Variants in MBOAT1 observed in about 807,000 individuals in gnomAD.
MBOAT1 encodes membrane bound glycerophospholipid O-acyltransferase 1.
A neutral mutation model predicts 64.4 loss-of-function variants in MBOAT1; 67 were observed. The observed-to-expected ratio is 1.04, with a 90% CI of 0.85 to 1.27. The LOEUF (loss-of-function observed/expected upper bound fraction) is 1.27. MBOAT1 is among the 50% of genes most tolerant of loss of function. MBOAT1 has a pLI of 0.00. For missense variants in MBOAT1, 563 were observed against 604.6 expected (o/e 0.93, Z 0.72); for synonymous variants, 229 against 218.9 (o/e 1.05, Z -0.41).
chr6:20,141,962 T>G (rs946856547), intron 4 of MBOAT1, among the ~76,000 whole-genome samples: 25 of 152,184 alleles, frequency 1.6e-4, no homozygotes, highest in African/African-American at 5.8e-4. Flanking sequence ...CCCTCCCTTC[T>G]GCCTGGAATA....
chr6:20,121,208 T>A (rs2113644615), intron 8 of MBOAT1, among the ~76,000 whole-genome samples: 1 of 152,362 alleles, frequency 6.6e-6, no homozygotes, highest in Middle Eastern at 3.4e-3. Context: ...AAATTTATAA[T>A]CATGTGTAAT....
chr6:20,205,950 C>T (rs996514778), intron 1 of MBOAT1, among the ~76,000 whole-genome samples: 1 of 152,134 alleles, frequency 6.6e-6, no homozygotes, highest in African/African-American at 2.4e-5. Flanking sequence ...AACCCTCACT[C>T]GCGGCTCGCA....
intron 1 of MBOAT1, among the ~76,000 whole-genome samples, chr6:20,186,894 C>A (rs1470412159): frequency 6.6e-6 from 1 of 152,182 alleles, no homozygotes; most frequent in Non-Finnish European, 1.5e-5. Context: ...AAGCTGTGGG[C>A]ATCTGAGCCT....
chr6:20,128,668 G>A (rs753175127), intron 6 of MBOAT1, 31 bp downstream of exon 6: 2 of 1,560,864 alleles, frequency 1.3e-6, no homozygotes, highest in East Asian at 4.5e-5. Flanking sequence ...TATGCAAAGG[G>A]CTTGTTAATA....
chr6:20,145,057 T>C (rs1202197), intron 3 of MBOAT1, among the ~76,000 whole-genome samples: 86,045 of 152,088 alleles, frequency 0.57, 25,103 homozygotes, highest in South Asian at 0.65. Context: ...AAATGTGTAA[T>C]TATAAATATA....
chr6:20,113,295 C>T (rs1427791630), intron 10 of MBOAT1, among the ~76,000 whole-genome samples: 1 of 152,200 alleles, frequency 6.6e-6, no homozygotes, highest in Admixed American at 6.5e-5. Flanking sequence ...GTATCTGTTA[C>T]AGGTCTGAGT....
chr6:20,164,206 A>AC (rs1561771021), intron 1 of MBOAT1, among the ~76,000 whole-genome samples: 28 of 119,322 alleles, frequency 2.3e-4, no homozygotes, highest in Non-Finnish European at 5.0e-4. Context: ...CACACACACA[A>AC]ACACACCCCA....
intron 8 of MBOAT1, among the ~76,000 whole-genome samples, chr6:20,122,547 A>G (rs1209138297): frequency 6.6e-6 from 1 of 152,258 alleles, no homozygotes; most frequent in Non-Finnish European, 1.5e-5. Context: ...AAATTTTACA[A>G]AAGCTCTAAG....
chr6:20,132,571 T>C (rs957217288), intron 4 of MBOAT1, among the ~76,000 whole-genome samples: 2 of 151,862 alleles, frequency 1.3e-5, no homozygotes, highest in Non-Finnish European at 2.9e-5. Flanking sequence ...AACAGAAAAA[T>C]CAATTCAAAA....
chr6:20,141,847 C>T (rs1284213385), intron 4 of MBOAT1, among the ~76,000 whole-genome samples: 1 of 151,876 alleles, frequency 6.6e-6, no homozygotes, highest in Admixed American at 6.6e-5. Flanking sequence ...GACAGGCTGT[C>T]GTAATGAGAG....
Position 20,109,664 on chromosome 6 carries a change from A to T in MBOAT1, c.1295T>A (p.Leu432Gln), listed in dbSNP as rs776135121. The T allele has an allele frequency of 4.3e-6, 7 of 1,614,094 alleles. No homozygotes were observed. Among genetic ancestry groups the T allele is most frequent in the Admixed American group, 1.7e-5 (1 of 60,004 alleles). Residue 432 changes from leucine to glutamine, a missense_variant, in exon 12 of 13, where the codon CTG becomes CAG. Physicochemically the swap from Leu to Gln is moderately radical, Grantham distance 113 (BLOSUM62 -2). Coordinates refer to ENST00000324607, the MANE Select transcript of MBOAT1 (RefSeq NM_001080480.3). ...YDAGTWAVTQ[L>Q]AVSYTVAPFV... ...GGGTGCTACCGTGTAAGAGACAGCC[A>T]GCTGAGTGACGGCCCAGGTGCCTGC...
At chr6:20,201,378 C>T (rs1430031476) in intron 1 of MBOAT1, among the ~76,000 whole-genome samples, 1 of 152,102 alleles carries the variant, frequency 6.6e-6, no homozygotes, top group Non-Finnish European at 1.5e-5. Flanking sequence ...GAACCATACG[C>T]TATCACTTAT....
At chr6:20,120,209 T>C (rs1561749793) in intron 8 of MBOAT1, among the ~76,000 whole-genome samples, 1 of 152,078 alleles carries the variant, frequency 6.6e-6, no homozygotes, top group African/African-American at 2.4e-5. Context: ...ATCTAACGTC[T>C]AAAAACCTGC....
rs1040259636 is a variant in MBOAT1, at chr6:20,101,672, C to T, written c.*614G>A. Among the ~76,000 whole-genome samples the T allele has an allele frequency of 1.3e-5, 2 of 152,170 alleles. No individual in the cohort carries two copies. Among genetic ancestry groups the T allele is most frequent in the African/African-American group, 4.8e-5 (2 of 41,438 alleles). On this transcript the variant is annotated 3_prime_UTR_variant, in exon 13 of 13. Coordinates refer to ENST00000324607, the MANE Select transcript of MBOAT1 (RefSeq NM_001080480.3). ...CAGGTCACAGTAGCTGGAAATCATG[C>T]AGGAAGGGCAAAAAGCCAGCAGCCC...
chr6:20,195,372 C>T (rs769521568), intron 1 of MBOAT1, among the ~76,000 whole-genome samples: 1 of 152,194 alleles, frequency 6.6e-6, no homozygotes, highest in Non-Finnish European at 1.5e-5. Flanking sequence ...ATTTGACATA[C>T]TCTTATGACT....
At chr6:20,130,481 G>A (rs960404743) in intron 5 of MBOAT1, among the ~76,000 whole-genome samples, 20 of 152,046 alleles carry the variant, frequency 1.3e-4, no homozygotes, top group Non-Finnish European at 2.8e-4. Context: ...AGCCTCCTAA[G>A]TTGCTGGGAT....
rs139713220 is a variant in MBOAT1 at position 20,109,648 on chromosome 6, C to T, written c.1311G>A (p.Thr437=). The part of the protein sequence containing the change: ...WAVTQLAVSY[T]VAPFVMLAVE... ...CTGCCAACATCACAAAGGGTGCTAC[C>T]GTGTAAGAGACAGCCAGCTGAGTGA... Residue 437 remains threonine, a synonymous_variant, in exon 12 of 13, where the codon ACG becomes ACA. Transcript: ENST00000324607. 2.5e-4 allele frequency: 411 copies of T among 1,614,110 alleles called. 1 individual carries two copies. In the African/African-American group the frequency reaches 4.2e-3, roughly 16 times the overall value.
At chr6:20,111,877 T>TACATATATATAC (rs1204943478) in intron 11 of MBOAT1, among the ~76,000 whole-genome samples, 43 of 136,822 alleles carry the variant, frequency 3.1e-4, no homozygotes, top group East Asian at 8.2e-4. Flanking sequence ...TACATATATA[T>TACATATATATAC]ATGTATATAT....
intron 4 of MBOAT1, among the ~76,000 whole-genome samples, chr6:20,136,334 C>A (rs919255372): frequency 1.3e-5 from 2 of 152,180 alleles, no homozygotes; most frequent in Non-Finnish European, 2.9e-5. Flanking sequence ...TGGCACTCAA[C>A]AACAAAATCA....
Sources: allele counts gnomAD v4.1 joint callset (sites outside exome capture counted in the v4.1 genomes callset), GRCh38; gene constraint gnomAD v4.1.1; transcripts MANE v1.5; gene names NCBI Gene and HGNC (gene_info 2026-07-23, HGNC 2026-07-21).